The following LRRC66 variants were observed in gnomAD, a reference collection of about 807,000 sequenced individuals.
The protein encoded by LRRC66 is leucine-rich repeat-containing protein 66.
A neutral mutation model predicts 24.6 loss-of-function variants in LRRC66; 29 were observed. The ratio of observed to expected loss-of-function variants is 1.18; its 90% CI spans 0.88 to 1.61. LRRC66 has a LOEUF of 1.61. LRRC66 is among the 40% of genes most tolerant of loss of function. LRRC66 has a pLI of 0.00. For synonymous variants in LRRC66, 411 were observed against 397.6 expected (o/e 1.03, Z -0.40); for missense variants, 1,124 against 1,058.0 (o/e 1.06, Z -0.87).
intron 2 of LRRC66, among the ~76,000 whole-genome samples, chr4:52,009,177 T>C (rs1313726384): frequency 6.6e-6 from 1 of 152,128 alleles, no homozygotes; most frequent in Non-Finnish European, 1.5e-5. Flanking sequence ...AAAATAGAAA[T>C]AATTTTGACT....
intron 2 of LRRC66, among the ~76,000 whole-genome samples, chr4:52,005,281 T>C (rs927480949): frequency 3.3e-5 from 5 of 152,150 alleles, no homozygotes; most frequent in African/African-American, 1.2e-4. Context: ...CTGCCTGCTA[T>C]CAATGGGGGC....
In LRRC66 at chr4:51,995,411, C is replaced by T; in HGVS notation, c.1611G>A (p.Trp537Ter). ...HIHRNDILGEWTYETVAQEEP... is the reference protein window; with the variant it reads ...HIHRNDILGE Reference sequence around the variant, plus strand: ...CTTCCTGGGCCACAGTTTCATAAGTCCATTCTCCGAGAATATCATTCCTAT... The same window carrying T: ...CTTCCTGGGCCACAGTTTCATAAGTTCATTCTCCGAGAATATCATTCCTAT... The change falls in exon 5 of 5, where the codon TGG (tryptophan) becomes TGA (stop). Residue 537 changes from tryptophan (W) to a stop codon, truncating the protein, a stop_gained. Coordinates refer to ENST00000682860, the MANE Select transcript of LRRC66 (RefSeq NM_001024611.3). LOFTEE classifies it low-confidence loss of function (END_TRUNC). The T allele has an allele frequency of 6.2e-7, 1 of 1,614,176 alleles. No individual in the cohort carries two copies. The highest frequency in any genetic ancestry group is 1.1e-5 in the South Asian group (1 of 91,078).
At chr4:52,014,925 C>A (rs1435708074) in intron 2 of LRRC66, among the ~76,000 whole-genome samples, 1 of 152,086 alleles carries the variant, frequency 6.6e-6, no homozygotes, top group African/African-American at 2.4e-5. Context: ...CCCTCCTCTT[C>A]AAGTTGAACA....
chr4:52,005,318 T>A (rs1736549909), intron 2 of LRRC66, among the ~76,000 whole-genome samples: 1 of 152,134 alleles, frequency 6.6e-6, no homozygotes, highest in Non-Finnish European at 1.5e-5. Context: ...CTATCATTTC[T>A]TTGTACTCAT....
intron 1 of LRRC66, chr4:52,018,644 T>C (rs933909535): frequency 1.4e-4 from 137 of 952,320 alleles, no homozygotes; most frequent in Non-Finnish European, 1.7e-4. Flanking sequence ...CAATAACGTA[T>C]TTCCTATATT....
chr4:52,017,767 C>T (rs1318039733), intron 1 of LRRC66, 149 bp from the exon 2 acceptor site: 2 of 1,358,180 alleles, frequency 1.5e-6, no homozygotes, highest in Non-Finnish European at 1.9e-6. Flanking sequence ...CTTACTGGGG[C>T]ATGAAAATGT....
chr4:51,997,249 TG>T (rs1736341538), intron 4 of LRRC66, among the ~76,000 whole-genome samples: 1 of 152,224 alleles, frequency 6.6e-6, no homozygotes, highest in Non-Finnish European at 1.5e-5. Flanking sequence ...TTTTGTAATA[TG>T]TGTGTGTGTT....
chr4:51,997,166 A>G (rs1016991178), intron 4 of LRRC66, among the ~76,000 whole-genome samples: 2 of 152,192 alleles, frequency 1.3e-5, no homozygotes, highest in African/African-American at 4.8e-5. Context: ...CAAGCTTCCC[A>G]GAATGTTCAG....
Position 52,017,116 on chromosome 4 carries a change from A to G in LRRC66, c.496+2T>C. On this transcript the variant is annotated splice_donor_variant, in intron 2 of 4. Transcript: ENST00000682860. LOFTEE classifies it high-confidence loss of function. ...TCTCTGCCTAGTTAAAATTGTACTC[A>G]CCCTTGGGAGTGTCACTGAGTTTAT... 6.3e-7 allele frequency: 1 copy of G among 1,599,762 alleles called. No individual in the cohort carries two copies. The highest frequency in any genetic ancestry group is 8.5e-7 in the Non-Finnish European group (1 of 1,173,922).
chr4:51,996,060 G>T lies in LRRC66; in HGVS notation c.962C>A (p.Ala321Glu), dbSNP rs1736307702. The T allele has an allele frequency of 6.2e-7, 1 of 1,613,930 alleles. No individual in the cohort carries two copies. Among genetic ancestry groups the T allele is most frequent in the African/African-American group, 1.3e-5 (1 of 74,866 alleles). ...GTGCCTTCCTCCCTGGGGCCTCTCT[G>T]CTTTGCTCCTTATGAGGCTTTTCAT... ...HRMKSLIRSKAERPQGGRHTG... is the reference protein window; with the variant it reads ...HRMKSLIRSKEERPQGGRHTG... The change falls in exon 5 of 5, where the codon GCA becomes GAA. Residue 321 changes from alanine to glutamate, a missense_variant. Transcript: ENST00000682860.
chr4:52,007,344 A>AT (rs201132755), intron 2 of LRRC66, among the ~76,000 whole-genome samples: 4,236 of 150,938 alleles, frequency 0.028, 95 homozygotes, highest in Non-Finnish European at 0.042. Context: ...ATGTCTGGCT[A>AT]TTTTTTTTTC....
chr4:52,000,419 C>T lies in LRRC66; in HGVS notation c.667-2482G>A, dbSNP rs1736421870. On this transcript the variant is annotated intron_variant, in intron 3 of 4. Transcript: ENST00000682860. Reference sequence around the variant, plus strand: ...CCTCATGACTACTGTAGCAGACAGACTCTAGGATGGTCCCCAGTGATCCTG... The same window carrying T: ...CCTCATGACTACTGTAGCAGACAGATTCTAGGATGGTCCCCAGTGATCCTG... 2.0e-5 allele frequency among the ~76,000 whole-genome samples: 3 copies of T among 152,178 alleles called. No homozygotes were observed. In the South Asian group the frequency reaches 6.2e-4, roughly 31 times the overall value.
Position 52,017,274 on chromosome 4 carries a change from A to G in LRRC66, c.340T>C (p.Leu114=). 6.2e-7 allele frequency: 1 copy of G among 1,614,176 alleles called. No homozygotes were observed. The stretch of plus-strand genomic sequence containing the variant: ...TGGATGGCATTGTTGCTGAGGTTTA[A>G]CACTTCCAAAGCATGTAAATATGCA... The part of the protein sequence containing the change: ...PFAYLHALEV[L]NLSNNAIHSL... The change falls in exon 2 of 5, where the codon TTA becomes CTA. Residue 114 remains leucine, a synonymous_variant. Transcript: ENST00000682860.
intron 3 of LRRC66, among the ~76,000 whole-genome samples, chr4:51,998,697 A>C (rs1173757163): frequency 6.6e-6 from 1 of 152,242 alleles, no homozygotes; most frequent in Admixed American, 6.5e-5. Flanking sequence ...GTGGCTCTAG[A>C]AACAGAGAGC....
At chr4:52,011,114 T>G (rs1736691128) in intron 2 of LRRC66, among the ~76,000 whole-genome samples, 1 of 152,170 alleles carries the variant, frequency 6.6e-6, no homozygotes, top group Non-Finnish European at 1.5e-5. Context: ...GACATTACAC[T>G]TAGTAAATAC....
intron 2 of LRRC66, 76 bp downstream of exon 2, chr4:52,017,042 C>A: frequency 6.8e-7 from 1 of 1,479,124 alleles, no homozygotes; most frequent in Non-Finnish European, 9.1e-7. Flanking sequence ...AACCTGAAAA[C>A]AAATGTGGAA....
At chr4:52,015,625 A>G (rs1386889273) in intron 2 of LRRC66, among the ~76,000 whole-genome samples, 3 of 152,224 alleles carry the variant, frequency 2.0e-5, no homozygotes, top group Non-Finnish European at 1.5e-5. Context: ...ACAGAAGGTT[A>G]TATCTCTAGT....
intron 1 of LRRC66, chr4:52,018,051 T>C (rs1736860144): frequency 1.0e-6 from 1 of 985,304 alleles, no homozygotes; most frequent in African/African-American, 1.7e-5. Flanking sequence ...ATTACATAAA[T>C]GACAACCAGT....
intron 2 of LRRC66, among the ~76,000 whole-genome samples, chr4:52,013,641 C>A (rs1395412397): frequency 6.6e-6 from 1 of 152,228 alleles, no homozygotes; most frequent in African/African-American, 2.4e-5. Flanking sequence ...GCCAGCACCT[C>A]TTTTGGGCAT....
Sources: allele counts gnomAD v4.1 joint callset (sites outside exome capture counted in the v4.1 genomes callset), GRCh38; gene constraint gnomAD v4.1.1; transcripts MANE v1.5; gene names NCBI Gene and HGNC (gene_info 2026-07-23, HGNC 2026-07-21).